The following CDYL variants were observed in gnomAD, a reference collection of about 807,000 sequenced individuals.
CDYL encodes chromodomain Y-like protein.
A neutral mutation model predicts 47.3 loss-of-function variants in CDYL; 8 were observed. The ratio of observed to expected loss-of-function variants is 0.17; its 90% CI spans 0.10 to 0.31. The LOEUF is 0.31. Among genes scored for constraint, CDYL ranks in the 10% least tolerant of loss-of-function variants. The pLI is 1.00. For synonymous variants in CDYL, 266 were observed against 265.0 expected (o/e 1.00, Z -0.04); for missense variants, 471 against 701.4 (o/e 0.67, Z 3.71).
In CDYL at chr6:4,718,916, TTTTTTTTC is replaced by T. The variant is rs1193995646; in HGVS notation, c.103+3047_103+3054del. On this transcript the variant is annotated intron_variant, in intron 2 of 8. Coordinates refer to the CDYL transcript ENST00000328908. ...ACATTCAGGTTATTTCCACTGGTTTTTTTTTTTCTTTTTTTCTTTCTTTTCAGACAGAG... is the reference window on the plus strand; with the variant it reads ...ACATTCAGGTTATTTCCACTGGTTTTTTTTTTTCTTTCTTTTCAGACAGAG... 4.6e-5 allele frequency among the ~76,000 whole-genome samples: 7 copies of T among 152,192 alleles called. No individual in the cohort carries two copies. In the South Asian group the frequency reaches 1.0e-3, roughly 23 times the overall value.
chr6:4,731,390 G>A (rs1338981184), intron 2 of CDYL, among the ~76,000 whole-genome samples: 1 of 152,060 alleles, frequency 6.6e-6, no homozygotes, highest in South Asian at 2.1e-4. Flanking sequence ...CCTTTTAAAG[G>A]GGCTATCATG....
intron 1 of CDYL, among the ~76,000 whole-genome samples, chr6:4,845,517 G>A (rs1022821429): frequency 6.6e-6 from 1 of 152,126 alleles, no homozygotes; most frequent in Non-Finnish European, 1.5e-5. Flanking sequence ...GAGCTTTTAC[G>A]ATATTATTAA....
intron 2 of CDYL, among the ~76,000 whole-genome samples, chr6:4,729,746 T>C (rs1318837725): frequency 2.6e-5 from 4 of 152,154 alleles, no homozygotes; most frequent in African/African-American, 7.2e-5. Flanking sequence ...GGTGAAATCC[T>C]GTCTCTACAA....
chr6:4,813,758 G>A (rs1165189882), intron 1 of CDYL, among the ~76,000 whole-genome samples: 2 of 151,914 alleles, frequency 1.3e-5, no homozygotes, highest in Non-Finnish European at 2.9e-5. Context: ...AATTGTTGGT[G>A]CAATTTGTTT....
rs377098963 is a variant in CDYL, at chr6:4,850,099, TTAG to T, written c.25-41608_25-41606del. ...AGTTTTGTGGGTAAGAGGAATATTA[TTAG>T]TAGTAACAAGGGCCTTATAATTGCA... On this transcript the variant is annotated intron_variant, in intron 1 of 6. Transcript: ENST00000397588. 9.3e-3 allele frequency among the ~76,000 whole-genome samples: 1,424 copies of T among 152,312 alleles called. 20 individuals are homozygous for T. Among genetic ancestry groups the T allele is most frequent in the African/African-American group, 0.033 (1,353 of 41,550 alleles).
chr6:4,769,640 G>C (rs972119584), intron 3 of CDYL, among the ~76,000 whole-genome samples: 23 of 152,060 alleles, frequency 1.5e-4, no homozygotes, highest in Non-Finnish European at 7.4e-5. Flanking sequence ...CAATGATTCT[G>C]CTTTGCTGGT....
chr6:4,734,663 C>G, intron 2 of CDYL: 3 of 1,514,866 alleles, frequency 2.0e-6, no homozygotes, highest in South Asian at 1.2e-5. Flanking sequence ...GGGGAGGGCA[C>G]AGGGATGGGA....
chr6:4,825,441 G>T (rs1301392264), intron 1 of CDYL, among the ~76,000 whole-genome samples: 1 of 152,076 alleles, frequency 6.6e-6, no homozygotes, highest in Non-Finnish European at 1.5e-5. Context: ...ATAACTTCCA[G>T]TTATACACTT....
intron 1 of CDYL, among the ~76,000 whole-genome samples, chr6:4,786,649 G>A (rs1016925685): frequency 3.9e-5 from 6 of 152,156 alleles, no homozygotes; most frequent in African/African-American, 1.4e-4. Context: ...GAGTCTCGCT[G>A]TTTATTCTCT....
chr6:4,757,799 G>A (rs1342985608), intron 3 of CDYL, among the ~76,000 whole-genome samples: 1 of 152,164 alleles, frequency 6.6e-6, no homozygotes, highest in Non-Finnish European at 1.5e-5. Context: ...CACTGTGGGA[G>A]GCCGAGGCAG....
intron 1 of CDYL, among the ~76,000 whole-genome samples, chr6:4,779,815 A>G (rs1263297885): frequency 2.0e-5 from 3 of 152,196 alleles, no homozygotes; most frequent in Admixed American, 6.5e-5. Context: ...CTTTGTTGCA[A>G]CCACTCAGCT....
intron 1 of CDYL, among the ~76,000 whole-genome samples, chr6:4,798,048 C>A (rs1759125374): frequency 6.6e-6 from 1 of 152,064 alleles, no homozygotes; most frequent in Non-Finnish European, 1.5e-5. Flanking sequence ...TCACAGCTCA[C>A]TGCAGCCTTG....
At position 4,848,049 on chromosome 6, in the gene CDYL, G is replaced by A. The variant is rs373124434; in HGVS notation, c.25-43664G>A. Among the ~76,000 whole-genome samples, 87 of 152,304 alleles carry A rather than the reference G, an allele frequency of 5.7e-4. No individual in the cohort carries two copies. The South Asian group carries it at 0.016, about 27-fold the overall frequency. On this transcript the variant is annotated intron_variant, in intron 1 of 6. Transcript: ENST00000397588. Reference sequence around the variant, plus strand: ...ACTGGTTAGTGACCAGTGTTGAAATGGGAAAATATTACTGGCTTATGCTTT... The same window carrying A: ...ACTGGTTAGTGACCAGTGTTGAAATAGGAAAATATTACTGGCTTATGCTTT...
chr6:4,872,350 C>G (rs1292387720), intron 1 of CDYL, among the ~76,000 whole-genome samples: 2 of 134,056 alleles, frequency 1.5e-5, no homozygotes, highest in Non-Finnish European at 3.1e-5. Context: ...TTGGTTGGTA[C>G]ATTAGGTTTA....
chr6:4,883,591 A>C (rs1256300321), intron 1 of CDYL, among the ~76,000 whole-genome samples: 1 of 152,198 alleles, frequency 6.6e-6, no homozygotes, highest in Non-Finnish European at 1.5e-5. Flanking sequence ...GATTGGACTG[A>C]CCACTGTCAG....
chr6:4,943,858 T>A, intron 5 of CDYL, 102 bp downstream of exon 5: 1 of 836,532 alleles, frequency 1.2e-6, no homozygotes, highest in Non-Finnish European at 1.8e-6. Flanking sequence ...AGTGTGTCAT[T>A]CTGTGGGGAC....
chr6:4,832,586 C>A (rs1760178872), intron 1 of CDYL, among the ~76,000 whole-genome samples: 2 of 150,968 alleles, frequency 1.3e-5, no homozygotes, highest in South Asian at 4.2e-4. Context: ...TGATGCTGGC[C>A]TCATAAAATG....
intron 1 of CDYL, among the ~76,000 whole-genome samples, chr6:4,856,848 A>AT (rs995017395): frequency 2.0e-5 from 3 of 152,122 alleles, no homozygotes; most frequent in African/African-American, 7.2e-5. Context: ...TTAGTTAACA[A>AT]TTTTTGCACA....
chr6:4,910,537 G>A (rs1042403336), intron 2 of CDYL, among the ~76,000 whole-genome samples: 1 of 152,258 alleles, frequency 6.6e-6, no homozygotes, highest in Non-Finnish European at 1.5e-5. Flanking sequence ...GAAAGCCAGT[G>A]CTTGCTGGGC....
Sources: gnomAD v4.1 joint callset for allele counts (sites outside exome capture counted in the v4.1 genomes callset) on GRCh38, gnomAD v4.1.1 for gene constraint, MANE v1.5 for transcripts, NCBI Gene and HGNC (gene_info 2026-07-23, HGNC 2026-07-21) for gene names.